The following ARHGEF4 variants were observed in gnomAD, a reference collection of about 807,000 sequenced individuals.
The protein encoded by ARHGEF4 is APC-stimulated guanine nucleotide exchange factor 1.
A neutral mutation model predicts 162.0 loss-of-function variants in ARHGEF4; 119 were observed. The observed-to-expected ratio is 0.73, with a 90% CI of 0.63 to 0.86. The LOEUF (loss-of-function observed/expected upper bound fraction) is 0.86, where lower values mean the gene tolerates loss of function less well. Ranked by LOEUF, ARHGEF4 falls within the 40% of genes least tolerant of loss-of-function variation. The probability of loss-of-function intolerance (pLI) is 0.00; values close to 1 mark genes in which losing one functional copy is unlikely to be tolerated. For missense variants in ARHGEF4, 2,488 were observed against 2,456.0 expected (o/e 1.01, Z -0.28); for synonymous variants, 1,014 against 979.9 (o/e 1.03, Z -0.65).
chr2:130,970,383 G>A lies in ARHGEF4; in HGVS notation c.3985+23748G>A, dbSNP rs368065261. 1.7e-3 allele frequency among the ~76,000 whole-genome samples: 263 copies of A among 152,206 alleles called. 3 individuals carry two copies. The highest frequency in any genetic ancestry group is 6.0e-3 in the African/African-American group (250 of 41,516). On this transcript the variant is annotated intron_variant, in intron 4 of 13. Coordinates refer to ENST00000409359, the MANE Select transcript of ARHGEF4 (RefSeq NM_001367493.1). ...GCAGGTGGATCACCTGAGGTCAGGC[G>A]TTCGAGACCAGCCTGACCAACATGG...
intron 11 of ARHGEF4, 117 bp from the exon 12 acceptor site, chr2:131,044,182 G>A: frequency 7.0e-7 from 1 of 1,434,372 alleles, no homozygotes; most frequent in Non-Finnish European, 9.4e-7. Flanking sequence ...ACTGTCTGCT[G>A]GGGAGGTGGA....
rs1681566923 is a variant in ARHGEF4, at chr2:130,917,409, G to T, written c.3463G>T (p.Asp1155Tyr). 6.4e-7 allele frequency: 1 copy of T among 1,550,542 alleles called. No individual in the cohort carries two copies. The highest frequency in any genetic ancestry group is 2.0e-5 in the Admixed American group (1 of 50,998). The change falls in exon 2 of 14, where the codon GAT (aspartate) becomes TAT (tyrosine). Residue 1155 changes from aspartate (D) to tyrosine (Y), a missense_variant. By Grantham distance (160) the Asp-to-Tyr change is radical. Transcript: ENST00000409359. ...FLLSLQTLNQ[D>Y]EQKEESREGG... is the part of the protein sequence containing the mutation. ...GCTTTCTCTGCAGACGCTAAACCAA[G>T]ATGAGCAGAAGGAAGAGAGCAGGGA...
chr2:131,036,416 C>T (rs538785704), intron 5 of ARHGEF4, among the ~76,000 whole-genome samples: 1 of 152,188 alleles, frequency 6.6e-6, no homozygotes, highest in Admixed American at 6.5e-5. Flanking sequence ...TGCCAGGGTG[C>T]GACAAAGGCA....
In ARHGEF4 at chr2:131,046,053, GCTAC is replaced by G. The variant is rs750614180; in HGVS notation, c.5498_5501del (p.Tyr1833Ter). 5 of 1,611,634 alleles carry G rather than the reference GCTAC, an allele frequency of 3.1e-6. No homozygotes were observed. Among genetic ancestry groups the G allele is most frequent in the Admixed American group, 1.7e-5 (1 of 59,944 alleles). ...CCCTGTTCAGCTGTTGGCCGGCCCT[GCTAC>G]CTGACGCGCCAGAAGCACCCAGCCC... On this transcript the variant is annotated frameshift_variant, in exon 14 of 14. Transcript: ENST00000409359. LOFTEE classifies it high-confidence loss of function.
intron 5 of ARHGEF4, among the ~76,000 whole-genome samples, chr2:131,034,502 A>C (rs1263626372): frequency 1.3e-5 from 2 of 152,120 alleles, no homozygotes; most frequent in Non-Finnish European, 2.9e-5. Context: ...GATCGCTCCC[A>C]CCGGAGTTTA....
chr2:131,045,387 T>A lies in ARHGEF4; in HGVS notation c.5420T>A (p.Leu1807Gln), dbSNP rs773463438. 1.2e-6 allele frequency: 2 copies of A among 1,613,228 alleles called. No individual in the cohort carries two copies. Among genetic ancestry groups the A allele is most frequent in the African/African-American group, 2.7e-5 (2 of 74,934 alleles). The change falls in exon 13 of 14, where the codon CTG becomes CAG. Residue 1807 changes from leucine (L) to glutamine (Q), a missense_variant. This residue lies in a region of ARHGEF4 where 415 missense variants were observed against 512.4 expected (regional missense o/e 0.81). Coordinates refer to ENST00000409359, the MANE Select transcript of ARHGEF4 (RefSeq NM_001367493.1). ...TCCTCAGGCTTCTCCATCACTGAACTGCAGAGGAAGCAGGCCATGCTGAAT... is the reference window on the plus strand; with the variant it reads ...TCCTCAGGCTTCTCCATCACTGAACAGCAGAGGAAGCAGGCCATGCTGAAT... The part of the protein sequence containing the change: ...DQETGFSITE[L>Q]QRKQAMLNAS...
chr2:130,847,703 C>G (rs1210100554), intron 1 of ARHGEF4, among the ~76,000 whole-genome samples: 1 of 152,228 alleles, frequency 6.6e-6, no homozygotes, highest in East Asian at 1.9e-4. Context: ...CACCCAGGTC[C>G]CCTTTCTCTC....
At chr2:130,938,313 C>T (rs972224366) in intron 3 of ARHGEF4, among the ~76,000 whole-genome samples, 11 of 152,166 alleles carry the variant, frequency 7.2e-5, no homozygotes, top group African/African-American at 2.7e-4. Flanking sequence ...TCCAGCTTCT[C>T]AGCATTCTTA....
At chr2:131,004,696 G>A (rs924477116) in intron 4 of ARHGEF4, among the ~76,000 whole-genome samples, 5 of 151,858 alleles carry the variant, frequency 3.3e-5, no homozygotes, top group South Asian at 2.1e-4. Context: ...GTCCCACCCC[G>A]GCCTCACAGA....
At chr2:130,871,871 G>A (rs1051290170) in intron 1 of ARHGEF4, among the ~76,000 whole-genome samples, 1 of 152,180 alleles carries the variant, frequency 6.6e-6, no homozygotes, top group African/African-American at 2.4e-5. Flanking sequence ...TTATCTCCCT[G>A]GTTTTGAGGT....
intron 4 of ARHGEF4, among the ~76,000 whole-genome samples, chr2:130,973,068 G>A (rs1685467975): frequency 6.6e-6 from 1 of 152,240 alleles, no homozygotes; most frequent in Non-Finnish European, 1.5e-5. Flanking sequence ...TAAGTCTAGA[G>A]CAAGCTCTAA....
At chr2:130,849,480 C>T (rs564901281) in intron 1 of ARHGEF4, among the ~76,000 whole-genome samples, 1 of 152,156 alleles carries the variant, frequency 6.6e-6, no homozygotes, top group South Asian at 2.1e-4. Context: ...CCCAGGCTGC[C>T]TGTCTGCCCT....
intron 1 of ARHGEF4, among the ~76,000 whole-genome samples, chr2:130,894,408 A>G (rs2062154): frequency 0.31 from 46,942 of 151,830 alleles, 9,794 homozygotes; most frequent in African/African-American, 0.58. Context: ...TGAAGAGTTC[A>G]GAGCCCCTGG....
chr2:130,931,229 T>C lies in ARHGEF4; in HGVS notation c.3830T>C (p.Ile1277Thr), dbSNP rs1285709502. The C allele has an allele frequency of 3.1e-6, 5 of 1,612,056 alleles. No homozygotes were observed. The highest frequency in any genetic ancestry group is 4.5e-5 in the East Asian group (2 of 44,854). ...GCCCACGTCGAAAGGAGGCTGCACA[T>C]AGGGGCAGTGCACAAAGATGGAGTC... ...KQAHVERRLH[I>T]GAVHKDGVKC... Residue 1277 changes from isoleucine (I) to threonine (T), a missense_variant, in exon 3 of 14, where the codon ATA (isoleucine) becomes ACA (threonine). Around this residue, in one of 6 missense-constraint regions of ARHGEF4, gnomAD observed 1,642 missense variants for 1,481.5 expected, o/e 1.11. Coordinates refer to ENST00000409359, the MANE Select transcript of ARHGEF4 (RefSeq NM_001367493.1).
chr2:130,992,886 C>T (rs1397871233), intron 4 of ARHGEF4, among the ~76,000 whole-genome samples: 2 of 152,168 alleles, frequency 1.3e-5, no homozygotes, highest in African/African-American at 2.4e-5. Flanking sequence ...GGATTCGAGA[C>T]CAGCCTGGCC....
intron 1 of ARHGEF4, among the ~76,000 whole-genome samples, chr2:130,846,371 A>C (rs1355641214): frequency 6.6e-6 from 1 of 152,174 alleles, no homozygotes; most frequent in Non-Finnish European, 1.5e-5. Flanking sequence ...GGAGCCACCC[A>C]CACCGACTGC....
intron 11 of ARHGEF4, among the ~76,000 whole-genome samples, chr2:131,043,880 C>A (rs1258724309): frequency 6.6e-6 from 1 of 152,184 alleles, no homozygotes. Flanking sequence ...TCCACATCCC[C>A]TCTCTCCAAC....
intron 4 of ARHGEF4, among the ~76,000 whole-genome samples, chr2:131,001,302 CAAAAAAAAAAAAAAA>C (rs70994730): frequency 9.6e-5 from 3 of 31,156 alleles, no homozygotes; most frequent in African/African-American, 3.0e-4. Context: ...GACTGTGTCT[CAAAAAAAAAAAAAAA>C]AAAAAAAAAA....
intron 4 of ARHGEF4, among the ~76,000 whole-genome samples, chr2:130,992,126 A>G (rs1452043431): frequency 6.6e-6 from 1 of 151,976 alleles, no homozygotes; most frequent in Non-Finnish European, 1.5e-5. Flanking sequence ...AACTAATCTG[A>G]TGGGGACGAG....
Sources: allele counts gnomAD v4.1 joint callset (sites outside exome capture counted in the v4.1 genomes callset), GRCh38; gene constraint gnomAD v4.1.1; regional missense constraint gnomAD v4.1.1; transcripts MANE v1.5; gene names NCBI Gene and HGNC (gene_info 2026-07-23, HGNC 2026-07-21).